BCAS3: variants seen among roughly 807,000 people sequenced by gnomAD.
BCAS3 encodes the protein BCAS4/BCAS3 fusion.
A neutral mutation model predicts 116.1 loss-of-function variants in BCAS3; 53 were observed. The ratio of observed to expected loss-of-function variants is 0.46; its 90% CI spans 0.37 to 0.57. The LOEUF is 0.57. Among genes scored for constraint, BCAS3 ranks in the 20% least tolerant of loss-of-function variants. The pLI is 0.00. For missense variants in BCAS3, 917 were observed against 1,165.4 expected, an observed-to-expected ratio of 0.79 and a Z score of 3.10; for synonymous variants, 391 against 408.2, an observed-to-expected ratio of 0.96 and a Z score of 0.51.
intron 19 of BCAS3, among the ~76,000 whole-genome samples, chr17:61,067,732 A>AC (rs1568273569): frequency 8.9e-5 from 13 of 145,280 alleles, no homozygotes; most frequent in African/African-American, 3.4e-4. Flanking sequence ...CAAACAAAAA[A>AC]AAAAAAAAAT....
chr17:61,194,419 C>T (rs1035388522), intron 22 of BCAS3, among the ~76,000 whole-genome samples: 29 of 152,176 alleles, frequency 1.9e-4, no homozygotes, highest in African/African-American at 6.5e-4. Context: ...GCAATTCTAG[C>T]CCTCAAGCTT....
At chr17:61,033,208 C>G (rs950691370) in intron 16 of BCAS3, among the ~76,000 whole-genome samples, 1 of 152,084 alleles carries the variant, frequency 6.6e-6, no homozygotes, top group Non-Finnish European at 1.5e-5. Context: ...TATAGTGGTT[C>G]TCAGAGTTGA....
In BCAS3 at chr17:60,870,170, A is replaced by G. The variant is rs146906205; in HGVS notation, c.584+1487A>G. 3.6e-3 allele frequency among the ~76,000 whole-genome samples: 554 copies of G among 152,354 alleles called. 1 individual carries two copies. Among genetic ancestry groups the G allele is most frequent in the Non-Finnish European group, 6.6e-3 (451 of 68,032 alleles). ...AACCGTACGTATCAATAAATGGCAC[A>G]TATAAAATCACCTGTAGCCCATGCT... On this transcript the variant is annotated intron_variant, in intron 8 of 23. Transcript: ENST00000407086.
At position 61,124,600 on chromosome 17, in the gene BCAS3, T is replaced by G. The variant is rs2075963394; in HGVS notation, c.2425+40036T>G. Among the ~76,000 whole-genome samples the G allele has an allele frequency of 6.6e-6, 1 of 152,206 alleles. No individual in the cohort carries two copies. The highest frequency in any genetic ancestry group is 6.5e-5 in the Admixed American group (1 of 15,280). On this transcript the variant is annotated intron_variant, in intron 22 of 23. Coordinates refer to ENST00000407086, the MANE Select transcript of BCAS3 (RefSeq NM_017679.5). The surrounding 1 kb of genome is among the most constrained non-coding windows in gnomAD (Gnocchi z 4.6). Reference sequence around the variant, plus strand: ...TGTGGAAGCATTTCTTGATATTTTTTCACTATTTTTCCCTAGTGAGTTATG... The same window carrying G: ...TGTGGAAGCATTTCTTGATATTTTTGCACTATTTTTCCCTAGTGAGTTATG...
intron 8 of BCAS3, 47 bp downstream of exon 8, chr17:60,868,730 C>G (rs151035589): frequency 1.1e-5 from 13 of 1,207,510 alleles, no homozygotes; most frequent in Non-Finnish European, 1.5e-5. Flanking sequence ...GAAACATGCT[C>G]TCCTGGGCAT....
At chr17:60,735,271 TTTTC>T (rs1229436865) in intron 5 of BCAS3, among the ~76,000 whole-genome samples, 1 of 151,948 alleles carries the variant, frequency 6.6e-6, no homozygotes, top group African/African-American at 2.4e-5. Context: ...ACAAAGCCAG[TTTTC>T]TTTCTTTCTT....
At chr17:60,889,520 G>T (rs1346566251) in intron 9 of BCAS3, among the ~76,000 whole-genome samples, 175 bp from the exon 10 acceptor site, 1 of 152,146 alleles carries the variant, frequency 6.6e-6, no homozygotes. Context: ...TAAATAGAGG[G>T]GGAAAAATGC....
chr17:60,843,720 T>G (rs919808757), intron 7 of BCAS3, among the ~76,000 whole-genome samples: 1 of 152,212 alleles, frequency 6.6e-6, no homozygotes, highest in African/African-American at 2.4e-5. Context: ...AATTCTTACT[T>G]TCTAATCTTA....
At chr17:61,043,175 G>C (rs533847516) in intron 19 of BCAS3, among the ~76,000 whole-genome samples, 4 of 151,844 alleles carry the variant, frequency 2.6e-5, no homozygotes, top group African/African-American at 7.2e-5. Context: ...GACCAGCCTC[G>C]GCAACATAGT....
At chr17:61,297,773 A>G (rs1000402459) in intron 22 of BCAS3, among the ~76,000 whole-genome samples, 6 of 152,180 alleles carry the variant, frequency 3.9e-5, no homozygotes, top group Non-Finnish European at 5.9e-5. Flanking sequence ...CACTGTGAGA[A>G]TAACTTCTAC....
chr17:60,886,953 T>A (rs2144982676), intron 9 of BCAS3: 1 of 153,446 alleles, frequency 6.5e-6, no homozygotes, highest in Admixed American at 6.5e-5. Context: ...CAGGCCTCCT[T>A]GAGCTGTGGT....
rs558246834 is a variant in BCAS3, at chr17:61,075,039, G to A, written c.2130+19G>A. ...TTCCCAGGTAAAACTCTGAAATATT[G>A]AGAGTATTAAAGTAAAATAAAACAG... On this transcript the variant is annotated intron_variant, in intron 20 of 23. Coordinates refer to ENST00000407086, the MANE Select transcript of BCAS3 (RefSeq NM_017679.5). 15 of 1,551,992 alleles carry A rather than the reference G, an allele frequency of 9.7e-6. No homozygotes were observed. The highest frequency in any genetic ancestry group is 7.9e-5 in the South Asian group (7 of 88,452).
chr17:61,100,792 G>C (rs1218927718), intron 22 of BCAS3, among the ~76,000 whole-genome samples: 1 of 152,152 alleles, frequency 6.6e-6, no homozygotes, highest in Non-Finnish European at 1.5e-5. Context: ...CTTTCCACTA[G>C]AGTCCTTTAC....
chr17:60,825,297 A>T (rs1876661760), intron 7 of BCAS3, among the ~76,000 whole-genome samples: 1 of 151,706 alleles, frequency 6.6e-6, no homozygotes, highest in African/African-American at 2.4e-5. Context: ...ATTTCATTAT[A>T]TACATATCTT....
In BCAS3 at chr17:61,067,273, GTATATATA is replaced by G. The variant is rs1199603635; in HGVS notation, c.2030-7611_2030-7604del. ...CATAACTTTATTTATGTGTGTATGT[GTATATATA>G]TATATATATATATATATATATATAT... On this transcript the variant is annotated intron_variant, in intron 19 of 23. Coordinates refer to ENST00000407086, the MANE Select transcript of BCAS3 (RefSeq NM_017679.5). Among the ~76,000 whole-genome samples the G allele has an allele frequency of 6.8e-3, 400 of 58,796 alleles. 10 individuals carry two copies. The highest frequency in any genetic ancestry group is 0.025 in the Middle Eastern group (1 of 40). The allele number at this position is 58,796 out of a possible 152,430, so 38.6% of individuals were successfully genotyped here. A position where few individuals can be genotyped will look rare whatever the true frequency, so the allele number is the denominator to read the frequency against.
chr17:61,207,153 G>A (rs1220874182), intron 22 of BCAS3, among the ~76,000 whole-genome samples: 5 of 152,080 alleles, frequency 3.3e-5, no homozygotes, highest in African/African-American at 4.8e-5. Context: ...TTTTTCAAAC[G>A]TTTATTGGCT....
chr17:61,366,598 CA>C lies in BCAS3; in HGVS notation c.2426-1728del. Among the ~76,000 whole-genome samples the C allele has an allele frequency of 6.6e-6, 1 of 152,266 alleles. No homozygotes were observed. Among genetic ancestry groups the C allele is most frequent in the Non-Finnish European group, 1.5e-5 (1 of 68,024 alleles). ...TATCTGACACCCAGCCGTGCACCCC[CA>C]TTTTCCAGAGCCTAGCTTACCAGAT... On this transcript the variant is annotated intron_variant, in intron 22 of 23. Transcript: ENST00000407086. This position sits in a 1 kb window ranked among gnomAD's most constrained non-coding sequence, Gnocchi z 4.5.
At chr17:61,371,164 C>G (rs1245349988) in intron 23 of BCAS3, among the ~76,000 whole-genome samples, 2 of 152,214 alleles carry the variant, frequency 1.3e-5, no homozygotes, top group Non-Finnish European at 2.9e-5. Flanking sequence ...AAAACTTGCT[C>G]TCATGATCCC....
chr17:61,124,625 G>A lies in BCAS3; in HGVS notation c.2425+40061G>A, dbSNP rs1265600729. The stretch of plus-strand genomic sequence containing the variant: ...TCACTATTTTTCCCTAGTGAGTTAT[G>A]TAGTTAATCATATTAAACTGTTTTT... On this transcript the variant is annotated intron_variant, in intron 22 of 23. Transcript: ENST00000407086. This position sits in a 1 kb window ranked among gnomAD's most constrained non-coding sequence, Gnocchi z 4.6. Among the ~76,000 whole-genome samples, 2 of 152,124 alleles carry A rather than the reference G, an allele frequency of 1.3e-5. No homozygotes were observed. Among genetic ancestry groups the A allele is most frequent in the Non-Finnish European group, 2.9e-5 (2 of 68,012 alleles).
Sources: allele counts gnomAD v4.1 joint callset (sites outside exome capture counted in the v4.1 genomes callset), GRCh38; gene constraint gnomAD v4.1.1; non-coding constraint Gnocchi (gnomAD v3.1); transcripts MANE v1.5; gene names NCBI Gene and HGNC (gene_info 2026-07-23, HGNC 2026-07-21).